Variants in MACROD2 observed in about 807,000 individuals in gnomAD.
The protein encoded by MACROD2 is ADP-ribose glycohydrolase MACROD2.
Under a neutral mutation model 70.4 loss-of-function variants are expected in MACROD2, and 36 were observed. The ratio of observed to expected loss-of-function variants is 0.51; its 90% CI spans 0.39 to 0.68. MACROD2 has a LOEUF of 0.68. Among genes scored for constraint, MACROD2 ranks in the 30% least tolerant of loss-of-function variants. The probability of loss-of-function intolerance (pLI) is 0.00; values close to 1 mark genes in which losing one functional copy is unlikely to be tolerated. For missense variants in MACROD2, 496 were observed against 538.4 expected (o/e 0.92, Z 0.78); for synonymous variants, 172 against 178.8 (o/e 0.96, Z 0.30).
chr20:15,557,920 C>T (rs1027180042), intron 8 of MACROD2, among the ~76,000 whole-genome samples: 3 of 152,132 alleles, frequency 2.0e-5, no homozygotes, highest in Middle Eastern at 3.2e-3. Flanking sequence ...CTCATAAAGA[C>T]GACCACTCAG....
At chr20:15,752,255 T>C (rs1568541396) in intron 8 of MACROD2, among the ~76,000 whole-genome samples, 1 of 152,070 alleles carries the variant, frequency 6.6e-6, no homozygotes, top group Non-Finnish European at 1.5e-5. Flanking sequence ...ATATACCAGT[T>C]TCCTTTTAGG....
chr20:15,684,567 A>G (rs1208632060), intron 8 of MACROD2, among the ~76,000 whole-genome samples: 2 of 152,192 alleles, frequency 1.3e-5, no homozygotes, highest in African/African-American at 4.8e-5. Flanking sequence ...CTGATTTTTG[A>G]TCCATATTGG....
intron 5 of MACROD2, among the ~76,000 whole-genome samples, chr20:15,111,961 G>T (rs532515325): frequency 1.1e-4 from 17 of 152,290 alleles, no homozygotes; most frequent in African/African-American, 3.8e-4. Context: ...ATTAGCATTT[G>T]TGCTCTGTAC....
chr20:15,230,112 T>C, intron 6 of MACROD2, 51 bp downstream of exon 6: 2 of 1,563,198 alleles, frequency 1.3e-6, no homozygotes, highest in Non-Finnish European at 1.7e-6. Context: ...CCTTTATGCT[T>C]TAGTAATCTG....
At chr20:15,226,181 G>C (rs995377339) in intron 5 of MACROD2, among the ~76,000 whole-genome samples, 1 of 152,182 alleles carries the variant, frequency 6.6e-6, no homozygotes, top group African/African-American at 2.4e-5. Flanking sequence ...GAAGGCCAAA[G>C]AGGAGAGTGA....
At chr20:15,770,084 A>ATTTTTTTTTTTTTT (rs1234797549) in intron 8 of MACROD2, among the ~76,000 whole-genome samples, 4 of 125,702 alleles carry the variant, frequency 3.2e-5, no homozygotes, top group African/African-American at 9.8e-5. Context: ...ATTTATTTTA[A>ATTTTTTTTTTTTTT]TTTTCTTTTT....
chr20:15,750,617 T>C (rs1250074075), intron 8 of MACROD2, among the ~76,000 whole-genome samples: 3 of 151,976 alleles, frequency 2.0e-5, no homozygotes, highest in African/African-American at 2.4e-5. Context: ...TTGTATACTG[T>C]ATATTCAAAG....
intron 8 of MACROD2, among the ~76,000 whole-genome samples, chr20:15,703,365 C>A (rs1466848858): frequency 2.0e-5 from 3 of 152,188 alleles, no homozygotes; most frequent in Admixed American, 1.3e-4. Flanking sequence ...CATGTTGACA[C>A]AGCCTCTGTC....
chr20:15,808,843 G>T lies in MACROD2; in HGVS notation c.646-53902G>T, dbSNP rs2063792773. On this transcript the variant is annotated intron_variant, in intron 8 of 17. Coordinates refer to ENST00000684519, the MANE Select transcript of MACROD2 (RefSeq NM_001351661.2). Reference sequence around the variant, plus strand: ...CCCTAACACATTGGCTTGGGTAGAAGAATTAGTTGGTGAGAACAGAGTCGT... The same window carrying T: ...CCCTAACACATTGGCTTGGGTAGAATAATTAGTTGGTGAGAACAGAGTCGT... Among the ~76,000 whole-genome samples the T allele has an allele frequency of 2.6e-5, 4 of 152,156 alleles. No individual in the cohort carries two copies. In the South Asian group the frequency reaches 8.3e-4, roughly 32 times the overall value.
chr20:15,377,558 A>G (rs2045580119), intron 6 of MACROD2, among the ~76,000 whole-genome samples: 1 of 152,186 alleles, frequency 6.6e-6, no homozygotes, highest in Non-Finnish European at 1.5e-5. Context: ...GTGAATTCGA[A>G]CATTTATTCC....
intron 4 of MACROD2, among the ~76,000 whole-genome samples, chr20:14,670,549 G>T (rs545746961): frequency 9.1e-4 from 139 of 152,224 alleles, no homozygotes; most frequent in Non-Finnish European, 1.4e-3. Context: ...TAACACTTCT[G>T]TAATGACCAA....
intron 3 of MACROD2, among the ~76,000 whole-genome samples, chr20:14,227,001 G>A (rs1479071600): frequency 1.3e-5 from 2 of 152,236 alleles, no homozygotes; most frequent in African/African-American, 4.8e-5. Flanking sequence ...GAACCTTTAT[G>A]TCTAGCTCAG....
intron 5 of MACROD2, among the ~76,000 whole-genome samples, chr20:15,019,420 T>A (rs1475316725): frequency 6.6e-6 from 1 of 152,158 alleles, no homozygotes; most frequent in East Asian, 1.9e-4. Context: ...TTTGTCTAAC[T>A]ACAAAGCCTT....
intron 5 of MACROD2, among the ~76,000 whole-genome samples, chr20:15,140,696 G>A (rs888624538): frequency 2.0e-5 from 3 of 152,138 alleles, no homozygotes; most frequent in Non-Finnish European, 4.4e-5. Flanking sequence ...GGAAGGAAAT[G>A]GGTGAGGTCA....
intron 3 of MACROD2, among the ~76,000 whole-genome samples, chr20:14,114,029 C>T (rs1031230392): frequency 6.6e-5 from 10 of 152,068 alleles, no homozygotes; most frequent in Admixed American, 2.0e-4. Flanking sequence ...AATTGCTGAT[C>T]TCGAACATGT....
intron 3 of MACROD2, among the ~76,000 whole-genome samples, chr20:14,141,984 T>A (rs2054882172): frequency 6.6e-6 from 1 of 152,132 alleles, no homozygotes; most frequent in Admixed American, 6.6e-5. Flanking sequence ...TTGATCTGTA[T>A]GGTATCCTGT....
chr20:15,602,134 T>A (rs1355719672), intron 8 of MACROD2, among the ~76,000 whole-genome samples: 1 of 152,286 alleles, frequency 6.6e-6, no homozygotes, highest in African/African-American at 2.4e-5. Flanking sequence ...CACTGAAGAA[T>A]GTAGACCCCA....
chr20:15,698,172 G>A (rs924682875), intron 8 of MACROD2, among the ~76,000 whole-genome samples: 1 of 152,128 alleles, frequency 6.6e-6, no homozygotes, highest in Non-Finnish European at 1.5e-5. Flanking sequence ...TATAGGTCCT[G>A]TGTGATTTAT....
intron 5 of MACROD2, among the ~76,000 whole-genome samples, chr20:14,736,017 T>A (rs2071660222): frequency 1.3e-5 from 2 of 152,132 alleles, no homozygotes; most frequent in South Asian, 4.1e-4. Flanking sequence ...AACAAAAACT[T>A]GTACACAAAT....
Sources: gnomAD v4.1 joint callset for allele counts (sites outside exome capture counted in the v4.1 genomes callset) on GRCh38, gnomAD v4.1.1 for gene constraint, MANE v1.5 for transcripts, NCBI Gene and HGNC (gene_info 2026-07-23, HGNC 2026-07-21) for gene names.